SLC1A6: variants seen among roughly 807,000 people sequenced by gnomAD.
SLC1A6 encodes the protein solute carrier family 1 member 6.
A neutral mutation model predicts 42.1 loss-of-function variants in SLC1A6; 15 were observed. The ratio of observed to expected loss-of-function variants is 0.36; its 90% CI spans 0.24 to 0.55. The LOEUF is 0.55. Ranked by LOEUF, SLC1A6 falls within the 20% of genes least tolerant of loss-of-function variation. The pLI is 0.88. For missense variants in SLC1A6, 542 were observed against 772.5 expected, an observed-to-expected ratio of 0.70 and a Z score of 3.54; for synonymous variants, 317 against 319.7, an observed-to-expected ratio of 0.99 and a Z score of 0.09.
chr19:15,010,594 T>C, exon 1 of SLC1A6: 1 of 648,308 alleles, frequency 1.5e-6, no homozygotes, highest in Non-Finnish European at 2.8e-6. Context: ...CTAGATGGGC[T>C]CTTTCTCAAG....
intron 7 of SLC1A6, among the ~76,000 whole-genome samples, chr19:14,954,690 G>T (rs570346789): frequency 7.3e-4 from 111 of 152,288 alleles, no homozygotes; most frequent in African/African-American, 1.1e-3. Context: ...AGCAGGCCAG[G>T]TGGGGGGCTC....
intron 1 of SLC1A6, among the ~76,000 whole-genome samples, chr19:14,988,167 G>A (rs1266281954): frequency 6.6e-6 from 1 of 152,184 alleles, no homozygotes; most frequent in Admixed American, 6.5e-5. Flanking sequence ...TGCACCTGAA[G>A]GGAAAGGAAT....
chr19:15,002,954 T>C (rs927266370), intron 1 of SLC1A6, among the ~76,000 whole-genome samples: 10 of 107,616 alleles, frequency 9.3e-5, no homozygotes, highest in African/African-American at 3.4e-4. Context: ...GTCTTTTTGT[T>C]TTTTGTGGGA....
chr19:14,981,923 G>T (rs2045770157), upstream of SLC1A6, among the ~76,000 whole-genome samples: 1 of 152,142 alleles, frequency 6.6e-6, no homozygotes, highest in African/African-American at 2.4e-5. Context: ...AGATACTCAG[G>T]AGGCTGATGC....
At position 14,978,604 on chromosome 19, in the gene SLC1A6, C is replaced by G. The variant is rs570039119; in HGVS notation, c.-8+705G>C. On this transcript the variant is annotated intron_variant, in intron 1 of 9. Coordinates refer to ENST00000594383, the MANE Select transcript of SLC1A6 (RefSeq NM_005071.3). ...CACACACTTCCCACATTCATGTACA[C>G]CCTCAGGCACACAACCACACACCTT... Among the ~76,000 whole-genome samples the G allele has an allele frequency of 2.8e-3, 428 of 152,128 alleles. 1 individual carries two copies. Among genetic ancestry groups the G allele is most frequent in the African/African-American group, 9.7e-3 (403 of 41,512 alleles).
chr19:15,006,631 C>T (rs780798689), intron 1 of SLC1A6, among the ~76,000 whole-genome samples: 56 of 151,084 alleles, frequency 3.7e-4, no homozygotes, highest in Non-Finnish European at 7.4e-5. Context: ...TCACTCAATA[C>T]GAAAATATTT....
chr19:14,972,217 T>C (rs1023477679), intron 2 of SLC1A6, among the ~76,000 whole-genome samples: 2 of 152,206 alleles, frequency 1.3e-5, no homozygotes, highest in African/African-American at 4.8e-5. Flanking sequence ...GCACAGGTGT[T>C]TTCCTGGACA....
At position 14,956,542 on chromosome 19, in the gene SLC1A6, C is replaced by T. The variant is rs188504788; in HGVS notation, c.1103G>A (p.Arg368Gln). ...LPLIYFLVTH[R>Q]NPFPFIGGML... ...GCCCCCAATGAAGGGGAAGGGGTTC[C>T]GGTGAGTGACGAGGAAGTAGATGAG... Residue 368 changes from arginine to glutamine, a missense_variant, in exon 7 of 10, where the codon CGG (arginine) becomes CAG (glutamine). By Grantham distance (43) the Arg-to-Gln change is conservative (BLOSUM62 1). Transcript: ENST00000594383. 233 of 1,612,344 alleles carry T rather than the reference C, an allele frequency of 1.4e-4. No homozygotes were observed. Among genetic ancestry groups the T allele is most frequent in the Admixed American group, 3.3e-5 (2 of 59,884 alleles).
At position 14,985,145 on chromosome 19, in the gene SLC1A6, G is replaced by A. The variant is rs149918601; in HGVS notation, c.7-12228C>T. On this transcript the variant is annotated intron_variant, in intron 1 of 8. Coordinates refer to the SLC1A6 transcript ENST00000430939. Reference sequence around the variant, plus strand: ...GATCCGCCCGCATCGGCCTCCCGAAGTGCTGGGATTACAGGCGTAAAAAGT... The same window carrying A: ...GATCCGCCCGCATCGGCCTCCCGAAATGCTGGGATTACAGGCGTAAAAAGT... Among the ~76,000 whole-genome samples the A allele has an allele frequency of 4.5e-3, 691 of 152,364 alleles. 5 individuals carry two copies. The highest frequency in any genetic ancestry group is 0.016 in the African/African-American group (674 of 41,592).
chr19:14,986,732 A>G (rs1366537184), intron 1 of SLC1A6, among the ~76,000 whole-genome samples: 1 of 151,908 alleles, frequency 6.6e-6, no homozygotes, highest in African/African-American at 2.4e-5. Flanking sequence ...CTGGGAATAC[A>G]GGTGTGCGCC....
chr19:14,986,909 A>G (rs1263404212), intron 1 of SLC1A6, among the ~76,000 whole-genome samples: 2 of 152,142 alleles, frequency 1.3e-5, no homozygotes, highest in African/African-American at 2.4e-5. Context: ...GTGTGTGGCA[A>G]TGAAGAATAT....
intron 1 of SLC1A6, chr19:14,974,174 C>A (rs1600014472): frequency 1.3e-5 from 2 of 151,964 alleles, no homozygotes; most frequent in Admixed American, 1.3e-4. Flanking sequence ...CTGGCCAACA[C>A]AGTGAAACAC....
At chr19:14,956,782 A>T in intron 6 of SLC1A6, 73 bp from the exon 7 acceptor site, 1 of 1,033,728 alleles carries the variant, frequency 9.7e-7, no homozygotes, top group Non-Finnish European at 1.5e-6. Flanking sequence ...TGGCATCCCC[A>T]AGGCTTTGCC....
At chr19:14,971,034 G>A (rs55960648) in intron 3 of SLC1A6, among the ~76,000 whole-genome samples, 22,685 of 152,144 alleles carry the variant, frequency 0.15, 1,975 homozygotes, top group South Asian at 0.26. Context: ...GGAGGCTGAA[G>A]TGGAGGAATT....
chr19:15,010,164 C>A (rs1418331063), intron 1 of SLC1A6, among the ~76,000 whole-genome samples: 4 of 122,840 alleles, frequency 3.3e-5, no homozygotes, highest in African/African-American at 6.1e-5. Flanking sequence ...CCAGCCCAGA[C>A]GACAGTGCAA....
chr19:14,992,363 T>C (rs2045824682), intron 1 of SLC1A6, among the ~76,000 whole-genome samples: 1 of 152,186 alleles, frequency 6.6e-6, no homozygotes, highest in Non-Finnish European at 1.5e-5. Context: ...TCTCTTGCTC[T>C]CTCAACAGTA....
chr19:14,966,081 C>T (rs1433444538), intron 4 of SLC1A6, among the ~76,000 whole-genome samples: 1 of 152,094 alleles, frequency 6.6e-6, no homozygotes, highest in Non-Finnish European at 1.5e-5. Flanking sequence ...ACATTAGGTA[C>T]AATGTACACT....
At chr19:14,954,427 C>T in intron 7 of SLC1A6, 98 bp from the exon 8 acceptor site, 3 of 1,109,350 alleles carry the variant, frequency 2.7e-6, no homozygotes, top group South Asian at 1.3e-5. Flanking sequence ...GAGAATGGGG[C>T]GTGGCCGAAG....
intron 2 of SLC1A6, 115 bp from the exon 3 acceptor site, chr19:14,971,989 T>G: frequency 1.1e-6 from 1 of 943,722 alleles, no homozygotes. Flanking sequence ...AGAAATATCC[T>G]ATGAGTGTGT....
Sources: gnomAD v4.1 joint callset for allele counts (sites outside exome capture counted in the v4.1 genomes callset) on GRCh38, gnomAD v4.1.1 for gene constraint, MANE v1.5 for transcripts, NCBI Gene and HGNC (gene_info 2026-07-23, HGNC 2026-07-21) for gene names.